EXOC2: variants seen among roughly 807,000 people sequenced by gnomAD.
EXOC2 encodes the protein SEC5-like 1.
Under a neutral mutation model 131.8 loss-of-function variants are expected in EXOC2, and 70 were observed. That is an observed-to-expected ratio of 0.53 (90% CI 0.44 to 0.65). The LOEUF (loss-of-function observed/expected upper bound fraction) is 0.65, where lower values mean the gene tolerates loss of function less well. EXOC2 is among the 30% of genes least tolerant of loss of function. The pLI is 0.00. For missense variants in EXOC2, 923 were observed against 1,108.6 expected, an observed-to-expected ratio of 0.83 and a Z score of 2.38; for synonymous variants, 411 against 398.4, an observed-to-expected ratio of 1.03 and a Z score of -0.38.
At chr6:539,159 T>A (rs970498419) in intron 22 of EXOC2, among the ~76,000 whole-genome samples, 2 of 152,100 alleles carry the variant, frequency 1.3e-5, no homozygotes, top group Admixed American at 6.5e-5. Context: ...GGTAGCCCCA[T>A]CATAAGTTCA....
intron 1 of EXOC2, among the ~76,000 whole-genome samples, chr6:681,592 C>A (rs896264192): frequency 6.6e-6 from 1 of 152,050 alleles, no homozygotes; most frequent in Non-Finnish European, 1.5e-5. Flanking sequence ...ATCCTTTAGT[C>A]CTATAAAAAC....
intron 11 of EXOC2, among the ~76,000 whole-genome samples, chr6:585,353 G>A (rs762362394): frequency 6.6e-6 from 1 of 152,172 alleles, no homozygotes; most frequent in Non-Finnish European, 1.5e-5. Flanking sequence ...AAAGGACCAG[G>A]TGTGTGAGGT....
chr6:625,918 AT>A (rs140154658), intron 4 of EXOC2, among the ~76,000 whole-genome samples: 12,875 of 152,140 alleles, frequency 0.085, 777 homozygotes, highest in Middle Eastern at 0.15. Flanking sequence ...CCCTGCGCCC[AT>A]ATACAGACCG....
intron 12 of EXOC2, among the ~76,000 whole-genome samples, chr6:573,625 C>G (rs956822027): frequency 6.6e-5 from 10 of 151,630 alleles, no homozygotes; most frequent in African/African-American, 2.4e-4. Context: ...GTTGTTAGTC[C>G]AGTGAAGGAA....
chr6:499,111 A>G (rs1763896068), intron 24 of EXOC2, among the ~76,000 whole-genome samples: 1 of 152,160 alleles, frequency 6.6e-6, no homozygotes, highest in African/African-American at 2.4e-5. Flanking sequence ...CGCATGGCCC[A>G]GAAGCACCAA....
At chr6:499,959 C>T (rs1456884806) in intron 23 of EXOC2, among the ~76,000 whole-genome samples, 2 of 151,968 alleles carry the variant, frequency 1.3e-5, no homozygotes, top group African/African-American at 4.8e-5. Context: ...GGCTCTCAGT[C>T]GGCCTCAAAA....
At chr6:655,217 G>A (rs1763017213) in intron 1 of EXOC2, among the ~76,000 whole-genome samples, 2 of 152,210 alleles carry the variant, frequency 1.3e-5, no homozygotes, top group South Asian at 4.1e-4. Flanking sequence ...GAATCAGTCA[G>A]CAGCTATCAA....
intron 11 of EXOC2, among the ~76,000 whole-genome samples, chr6:592,078 C>T (rs947966683): frequency 6.6e-6 from 1 of 152,046 alleles, no homozygotes; most frequent in Non-Finnish European, 1.5e-5. Context: ...GTGGCTTTTC[C>T]TTCCTCTAGC....
At chr6:581,925 CAT>C (rs1256913828) in intron 11 of EXOC2, among the ~76,000 whole-genome samples, 1 of 151,918 alleles carries the variant, frequency 6.6e-6, no homozygotes, top group South Asian at 2.1e-4. Flanking sequence ...TATAAACAAA[CAT>C]AAAATTAGAA....
intron 1 of EXOC2, chr6:656,795 G>A (rs1561980632): frequency 1.2e-6 from 2 of 1,604,698 alleles, no homozygotes; most frequent in African/African-American, 1.3e-5. Context: ...GCCTGGCCTC[G>A]TGGAGGCCGC....
chr6:573,589 A>C (rs1334850248), intron 12 of EXOC2, among the ~76,000 whole-genome samples: 1 of 152,058 alleles, frequency 6.6e-6, no homozygotes, highest in Non-Finnish European at 1.5e-5. Context: ...TTCCTTTCCA[A>C]ATACCCCCAA....
intron 1 of EXOC2, among the ~76,000 whole-genome samples, chr6:642,034 T>A (rs904199480): frequency 6.6e-6 from 1 of 152,070 alleles, no homozygotes; most frequent in Non-Finnish European, 1.5e-5. Flanking sequence ...ACTGCCTACT[T>A]CATCTCCACC....
intron 23 of EXOC2, among the ~76,000 whole-genome samples, chr6:518,021 T>C (rs1250611480): frequency 6.6e-6 from 1 of 152,218 alleles, no homozygotes; most frequent in Non-Finnish European, 1.5e-5. Flanking sequence ...CAACCAAAAG[T>C]AATGTGTGGA....
At chr6:496,523 C>T (rs1484485250) in intron 25 of EXOC2, among the ~76,000 whole-genome samples, 2 of 152,060 alleles carry the variant, frequency 1.3e-5, no homozygotes, top group Non-Finnish European at 2.9e-5. Context: ...CTCACCTAGC[C>T]GTAGTTGTGG....
chr6:516,820 C>T (rs1428892424), intron 23 of EXOC2, among the ~76,000 whole-genome samples: 2 of 152,220 alleles, frequency 1.3e-5, no homozygotes, highest in Non-Finnish European at 1.5e-5. Flanking sequence ...ATCCCTAATG[C>T]TTTCCATAGC....
chr6:529,117 C>CT (rs780473191), intron 23 of EXOC2, among the ~76,000 whole-genome samples: 1 of 14,416 alleles, frequency 6.9e-5, no homozygotes. Context: ...CTGCCTTTTA[C>CT]CCCCCCCCGC....
At position 619,558 on chromosome 6, in the gene EXOC2, C is replaced by T. The variant is rs550173477; in HGVS notation, c.423-15G>A. The T allele has an allele frequency of 7.0e-6, 11 of 1,571,584 alleles. No homozygotes were observed. Among genetic ancestry groups the T allele is most frequent in the African/African-American group, 1.3e-5 (1 of 74,194 alleles). On this transcript the variant is annotated splice_polypyrimidine_tract_variant and intron_variant, in intron 4 of 27. Transcript: ENST00000230449. ...AAAATTTACTTCTGAGGGGAAAAAA[C>T]GTTTAAAATATATTTCAATGGTTAT... is the stretch of plus-strand genomic sequence containing the variant.
At chr6:690,324 C>G (rs1381524800) in intron 1 of EXOC2, among the ~76,000 whole-genome samples, 1 of 152,124 alleles carries the variant, frequency 6.6e-6, no homozygotes, top group Non-Finnish European at 1.5e-5. Context: ...CCACTGCACT[C>G]TAGCCTGGGT....
intron 22 of EXOC2, among the ~76,000 whole-genome samples, chr6:536,352 A>G (rs1766443998): frequency 6.6e-6 from 1 of 152,210 alleles, no homozygotes; most frequent in Admixed American, 6.5e-5. Context: ...TCGAAGGATT[A>G]TAATACAATA....
Sources: gnomAD v4.1 joint callset for allele counts (sites outside exome capture counted in the v4.1 genomes callset) on GRCh38, gnomAD v4.1.1 for gene constraint, MANE v1.5 for transcripts, NCBI Gene and HGNC (gene_info 2026-07-23, HGNC 2026-07-21) for gene names.